Variants in CFAP299 observed in about 807,000 individuals in gnomAD.
The protein encoded by CFAP299 is cilia- and flagella-associated protein 299.
Under a neutral mutation model 27.0 loss-of-function variants are expected in CFAP299, and 21 were observed. That is an observed-to-expected ratio of 0.78 (90% confidence interval 0.55 to 1.12). The LOEUF is 1.12. Among genes scored for constraint, CFAP299 ranks in the 50% most tolerant of loss-of-function variants. CFAP299 has a pLI of 0.00. For synonymous variants in CFAP299, 104 were observed against 98.1 expected (o/e 1.06, Z -0.36); for missense variants, 310 against 276.6 (o/e 1.12, Z -0.86).
At chr4:80,894,926 A>G (rs1026210443) in intron 4 of CFAP299, among the ~76,000 whole-genome samples, 2 of 151,976 alleles carry the variant, frequency 1.3e-5, no homozygotes, top group Admixed American at 6.6e-5. Context: ...AAAATACTGT[A>G]TGGTCCCACT....
At chr4:80,464,928 A>C (rs1254629255) in intron 2 of CFAP299, among the ~76,000 whole-genome samples, 1 of 152,184 alleles carries the variant, frequency 6.6e-6, no homozygotes, top group Non-Finnish European at 1.5e-5. Flanking sequence ...CTCCTCTTCT[A>C]TAAGAATAAT....
chr4:80,335,572 A>T (rs1722089114), upstream of CFAP299: 4 of 583,798 alleles, frequency 6.9e-6, no homozygotes, highest in Admixed American at 2.8e-5. Flanking sequence ...ATCCGACCTG[A>T]ACTTGGGTGG....
chr4:80,483,439 C>T (rs1404745659), intron 2 of CFAP299, among the ~76,000 whole-genome samples: 1 of 152,046 alleles, frequency 6.6e-6, no homozygotes, highest in Non-Finnish European at 1.5e-5. Flanking sequence ...TCTTATTTTT[C>T]ATTCTTATCA....
At position 80,629,108 on chromosome 4, in the gene CFAP299, A is replaced by G. The variant is rs74438082; in HGVS notation, c.333+45925A>G. Among the ~76,000 whole-genome samples the G allele has an allele frequency of 3.0e-3, 460 of 152,342 alleles. 2 individuals are homozygous for G. The highest frequency in any genetic ancestry group is 4.8e-3 in the Non-Finnish European group (328 of 68,020). On this transcript the variant is annotated intron_variant, in intron 3 of 5. Transcript: ENST00000358105. ...AATGAGTGGATTAAAAAATGTGGAC[A>G]CAATGGAATACTATTAAGCCATAAA...
intron 3 of CFAP299, among the ~76,000 whole-genome samples, chr4:80,675,541 C>T (rs530573302): frequency 1.9e-4 from 29 of 152,342 alleles, no homozygotes; most frequent in Non-Finnish European, 4.1e-4. Flanking sequence ...AGCTCAAATG[C>T]TGTGGTGGGA....
At chr4:80,918,059 C>T (rs1386426662) in intron 4 of CFAP299, among the ~76,000 whole-genome samples, 1 of 152,146 alleles carries the variant, frequency 6.6e-6, no homozygotes, top group Non-Finnish European at 1.5e-5. Flanking sequence ...ATTAGCTCTG[C>T]TCTTTTGAAA....
intron 2 of CFAP299, among the ~76,000 whole-genome samples, chr4:80,533,646 G>A (rs1733579135): frequency 6.6e-6 from 1 of 151,982 alleles, no homozygotes; most frequent in Non-Finnish European, 1.5e-5. Context: ...GACATTTAAT[G>A]TTTGAAAAAA....
At chr4:80,810,679 T>A (rs1275778648) in intron 3 of CFAP299, among the ~76,000 whole-genome samples, 1 of 152,050 alleles carries the variant, frequency 6.6e-6, no homozygotes, top group Admixed American at 6.6e-5. Context: ...AAGGAACCAA[T>A]CATGCCCACA....
At chr4:80,575,486 C>T (rs539971401) in intron 2 of CFAP299, among the ~76,000 whole-genome samples, 4 of 151,930 alleles carry the variant, frequency 2.6e-5, no homozygotes, top group Non-Finnish European at 4.4e-5. Flanking sequence ...CCACCATGAC[C>T]AGCTAATGTC....
At chr4:80,347,108 T>A (rs534746552) in intron 1 of CFAP299, among the ~76,000 whole-genome samples, 1 of 152,292 alleles carries the variant, frequency 6.6e-6, no homozygotes, top group Non-Finnish European at 1.5e-5. Context: ...GCTTGTGAAT[T>A]TTGCACATTG....
At chr4:80,548,994 G>A (rs368521056) in intron 2 of CFAP299, among the ~76,000 whole-genome samples, 12 of 152,090 alleles carry the variant, frequency 7.9e-5, no homozygotes, top group East Asian at 5.8e-4. Context: ...GACCTAAGGT[G>A]GGAAAAATCA....
intron 2 of CFAP299, among the ~76,000 whole-genome samples, chr4:80,558,532 A>AAC (rs1182266041): frequency 6.6e-6 from 1 of 151,722 alleles, no homozygotes; most frequent in Non-Finnish European, 1.5e-5. Context: ...GGCACAGATC[A>AAC]ACACAAACTT....
At chr4:80,809,880 T>A (rs1165304600) in intron 3 of CFAP299, among the ~76,000 whole-genome samples, 11 of 152,080 alleles carry the variant, frequency 7.2e-5, no homozygotes, top group Admixed American at 7.2e-4. Flanking sequence ...TTTGGGGGTT[T>A]GAAGTCCAGC....
At chr4:80,505,957 G>A (rs1166228839) in intron 2 of CFAP299, among the ~76,000 whole-genome samples, 1 of 151,628 alleles carries the variant, frequency 6.6e-6, no homozygotes, top group African/African-American at 2.4e-5. Context: ...GCAACACAGA[G>A]AGACTCTGTT....
intron 3 of CFAP299, among the ~76,000 whole-genome samples, chr4:80,667,684 C>T (rs933220008): frequency 4.6e-5 from 7 of 152,032 alleles, no homozygotes; most frequent in African/African-American, 1.2e-4. Flanking sequence ...GAATAATATT[C>T]TATTTGTATA....
chr4:80,718,173 T>C (rs1722600272), intron 3 of CFAP299, among the ~76,000 whole-genome samples: 1 of 152,060 alleles, frequency 6.6e-6, no homozygotes, highest in Non-Finnish European at 1.5e-5. Context: ...AGTAATACAA[T>C]ATGGCAATAG....
intron 3 of CFAP299, among the ~76,000 whole-genome samples, chr4:80,848,487 T>C (rs749152579): frequency 1.4e-4 from 22 of 152,124 alleles, no homozygotes; most frequent in Non-Finnish European, 2.8e-4. Context: ...TATTTGTGTA[T>C]CTAAACATAG....
At chr4:80,910,493 T>TA (rs1328131097) in intron 4 of CFAP299, among the ~76,000 whole-genome samples, 1 of 152,002 alleles carries the variant, frequency 6.6e-6, no homozygotes, top group Non-Finnish European at 1.5e-5. Context: ...TATGTAGCCA[T>TA]AAAAAAGAAA....
chr4:80,370,416 A>G (rs1724079461), intron 2 of CFAP299, among the ~76,000 whole-genome samples: 1 of 152,134 alleles, frequency 6.6e-6, no homozygotes, highest in Non-Finnish European at 1.5e-5. Flanking sequence ...ACAGTCCCCC[A>G]AAGTCTTAAC....
Sources: gnomAD v4.1 joint callset for allele counts (sites outside exome capture counted in the v4.1 genomes callset) on GRCh38, gnomAD v4.1.1 for gene constraint, MANE v1.5 for transcripts, NCBI Gene and HGNC (gene_info 2026-07-23, HGNC 2026-07-21) for gene names.